RTTN: variants seen among roughly 807,000 people sequenced by gnomAD.
RTTN encodes the protein rotatin.
Under a neutral mutation model 269.2 loss-of-function variants are expected in RTTN, and 182 were observed. That is an observed-to-expected ratio of 0.68 (90% CI 0.60 to 0.76). The LOEUF (loss-of-function observed/expected upper bound fraction) is 0.76, where lower values mean the gene tolerates loss of function less well. Ranked by LOEUF, RTTN falls within the 30% of genes least tolerant of loss-of-function variation. The probability of loss-of-function intolerance (pLI) is 0.00; values close to 1 mark genes in which losing one functional copy is unlikely to be tolerated. For missense variants in RTTN, 2,545 were observed against 2,608.6 expected (o/e 0.98, Z 0.53); for synonymous variants, 1,006 against 963.5 (o/e 1.04, Z -0.82).
chr18:70,017,495 G>A lies in RTTN; in HGVS notation c.6333C>T (p.Tyr2111=). ...GCAATAAAGGGCTGCTCTTGTGCTT[G>A]TATTTGCTCATCTCTGTTAGTAAGT... The part of the protein sequence containing the change: ...CLDLLTEMSK[Y]KHKSSPLLPL... The change falls in exon 46 of 49, where the codon TAC becomes TAT. Residue 2111 remains tyrosine (Y), a synonymous_variant. Coordinates refer to ENST00000640769, the MANE Select transcript of RTTN (RefSeq NM_173630.4). 6.2e-6 allele frequency: 10 copies of A among 1,613,984 alleles called. No individual in the cohort carries two copies. The highest frequency in any genetic ancestry group is 8.5e-6 in the Non-Finnish European group (10 of 1,179,924).
At chr18:70,044,707 C>A (rs371297901) in intron 40 of RTTN, among the ~76,000 whole-genome samples, 8 of 152,122 alleles carry the variant, frequency 5.3e-5, no homozygotes, top group African/African-American at 1.9e-4. Flanking sequence ...CATCCTTCTT[C>A]GTCTTGTGAT....
chr18:70,006,669 GT>G, intron 46 of RTTN, 185 bp from the exon 47 acceptor site: 1 of 564,626 alleles, frequency 1.8e-6, no homozygotes, highest in Admixed American at 3.1e-5. Flanking sequence ...TCAAAACATT[GT>G]TTTCATGTCA....
chr18:70,019,776 T>C (rs1335987189), intron 45 of RTTN: 1 of 152,228 alleles, frequency 6.6e-6, no homozygotes, highest in Non-Finnish European at 1.5e-5. Context: ...GTAAGATTGA[T>C]CTTTCCATTT....
At chr18:70,068,791 T>A (rs2058217441) in intron 34 of RTTN, among the ~76,000 whole-genome samples, 1 of 152,228 alleles carries the variant, frequency 6.6e-6, no homozygotes, top group Admixed American at 6.5e-5. Flanking sequence ...CAATCTAGAC[T>A]TTTCCCTCGC....
chr18:70,021,800 A>C (rs1408591378), intron 44 of RTTN, among the ~76,000 whole-genome samples: 3 of 152,126 alleles, frequency 2.0e-5, no homozygotes, highest in Non-Finnish European at 4.4e-5. Flanking sequence ...CAGATTATTC[A>C]AAGGAATAAG....
chr18:70,132,500 C>T (rs976401886), intron 23 of RTTN, among the ~76,000 whole-genome samples: 1 of 151,420 alleles, frequency 6.6e-6, no homozygotes, highest in Non-Finnish European at 1.5e-5. Flanking sequence ...AACTAGAAAA[C>T]CTAATAAACT....
At chr18:70,013,637 T>A (rs2056460237) in intron 46 of RTTN, among the ~76,000 whole-genome samples, 1 of 152,210 alleles carries the variant, frequency 6.6e-6, no homozygotes, top group Non-Finnish European at 1.5e-5. Context: ...TATTTTTGAA[T>A]ATTTGAACTG....
At chr18:70,147,640 T>C (rs1232228855) in intron 17 of RTTN, among the ~76,000 whole-genome samples, 1 of 152,108 alleles carries the variant, frequency 6.6e-6, no homozygotes, top group Non-Finnish European at 1.5e-5. Context: ...GTTGATGGGA[T>C]GGGGTAGAAT....
chr18:70,175,405 C>T (rs2061265000), intron 11 of RTTN, among the ~76,000 whole-genome samples: 1 of 152,000 alleles, frequency 6.6e-6, no homozygotes, highest in African/African-American at 2.4e-5. Context: ...AAAAGACATA[C>T]TAAGGTATGA....
intron 46 of RTTN, among the ~76,000 whole-genome samples, chr18:70,016,912 A>G (rs979033363): frequency 6.6e-6 from 1 of 152,168 alleles, no homozygotes; most frequent in Non-Finnish European, 1.5e-5. Context: ...AGACAGATAC[A>G]TGAAACACAT....
At chr18:70,150,833 T>C (rs1372122613) in intron 14 of RTTN, 100 bp from the exon 15 acceptor site, 4 of 905,230 alleles carry the variant, frequency 4.4e-6, no homozygotes, top group Non-Finnish European at 6.5e-6. Flanking sequence ...ATTTTAGTTT[T>C]TACTTCATTG....
chr18:70,114,331 TATTTGAAAGAAGTATTTCTTA>T, intron 27 of RTTN, 93 bp downstream of exon 27: 1 of 962,450 alleles, frequency 1.0e-6, no homozygotes, highest in East Asian at 2.5e-5. Context: ...ATTATTTAAG[TATTTGAAAGAAGTATTTCTTA>T]ATTTGAAAGA....
intron 27 of RTTN, among the ~76,000 whole-genome samples, chr18:70,113,271 T>C (rs1443093964): frequency 6.6e-6 from 1 of 152,120 alleles, no homozygotes; most frequent in Non-Finnish European, 1.5e-5. Flanking sequence ...CCGAAGAAGA[T>C]ACACAAATAG....
chr18:70,020,514 CA>C, intron 45 of RTTN, 100 bp downstream of exon 45: 9 of 1,197,404 alleles, frequency 7.5e-6, no homozygotes, highest in Non-Finnish European at 1.1e-5. Flanking sequence ...TAAAATGCCT[CA>C]AAATCATAAT....
intron 46 of RTTN, among the ~76,000 whole-genome samples, chr18:70,011,069 C>A (rs781439685): frequency 4.6e-5 from 7 of 152,110 alleles, no homozygotes; most frequent in Non-Finnish European, 1.0e-4. Flanking sequence ...AGATCAATAA[C>A]AAGTTCTGAA....
intron 10 of RTTN, among the ~76,000 whole-genome samples, chr18:70,184,549 G>GA (rs1233933290): frequency 6.6e-6 from 1 of 150,928 alleles, no homozygotes; most frequent in Admixed American, 6.6e-5. Flanking sequence ...GAGATTCCAT[G>GA]TTAAAAAAAA....
intron 14 of RTTN, among the ~76,000 whole-genome samples, chr18:70,162,880 A>C (rs2060870925): frequency 8.5e-6 from 1 of 117,132 alleles, no homozygotes; most frequent in Non-Finnish European, 1.8e-5. Context: ...CCCTAAAATA[A>C]AAGTTGAAAA....
In RTTN at chr18:70,147,681, T is replaced by C. The variant is rs11151571; in HGVS notation, c.2309+1220A>G. 0.81 allele frequency among the ~76,000 whole-genome samples: 123,706 copies of C among 152,096 alleles called. 53,506 individuals are homozygous for C. Among genetic ancestry groups the C allele is most frequent in the East Asian group, 1 (5,165 of 5,174 alleles). ...CAATAAGGAAAACAAATATGTCATT[T>C]GAATTGTTTCAAATTCTATATAATA... On this transcript the variant is annotated intron_variant, in intron 17 of 48. Coordinates refer to ENST00000640769, the MANE Select transcript of RTTN (RefSeq NM_173630.4).
chr18:70,132,275 G>T (rs1172670132), intron 23 of RTTN, among the ~76,000 whole-genome samples: 3 of 151,952 alleles, frequency 2.0e-5, no homozygotes, highest in Admixed American at 6.6e-5. Flanking sequence ...GGGAAGATCT[G>T]AACACTATCA....
Sources: allele counts gnomAD v4.1 joint callset (sites outside exome capture counted in the v4.1 genomes callset), GRCh38; gene constraint gnomAD v4.1.1; transcripts MANE v1.5; gene names NCBI Gene and HGNC (gene_info 2026-07-23, HGNC 2026-07-21).